The following TNS3 variants were observed in gnomAD, a reference collection of about 807,000 sequenced individuals.
TNS3 encodes the protein tensin-3.
A neutral mutation model predicts 140.9 loss-of-function variants in TNS3; 45 were observed. That is an observed-to-expected ratio of 0.32 (90% CI 0.25 to 0.41). The LOEUF is 0.41. Ranked by LOEUF, TNS3 falls within the 10% of genes least tolerant of loss-of-function variation. TNS3 has a pLI of 1.00. For missense variants in TNS3, 1,716 were observed against 1,906.7 expected (o/e 0.90, Z 1.86); for synonymous variants, 815 against 788.4 (o/e 1.03, Z -0.56).
chr7:47,501,643 C>G (rs550034513), intron 3 of TNS3, among the ~76,000 whole-genome samples: 1 of 152,254 alleles, frequency 6.6e-6, no homozygotes, highest in East Asian at 1.9e-4. Context: ...CCACAGCCTC[C>G]CTCCTTGTGC....
Position 47,368,736 on chromosome 7 carries a change from G to A in TNS3, c.1910C>T (p.Thr637Ile). Residue 637 changes from threonine (T) to isoleucine (I), a missense_variant, in exon 17 of 31, where the codon ACC (threonine) becomes ATC (isoleucine). By Grantham distance (89) the Thr-to-Ile change is moderately conservative (BLOSUM62 -1). Transcript: ENST00000311160. ...CCTCTGGACAGCCACCCTACTGCTG[G>A]TCCCTCGGGTGGGGGTGAGTGGCAC... ...PRVPLTPTRG[T>I]SSRVAVQRGV... 1.9e-6 allele frequency: 3 copies of A among 1,579,010 alleles called. No individual in the cohort carries two copies. Among genetic ancestry groups the A allele is most frequent in the Non-Finnish European group, 1.7e-6 (2 of 1,161,932 alleles).
At position 47,305,250 on chromosome 7, in the gene TNS3, C is replaced by T. The variant is rs550143807; in HGVS notation, c.2651-247G>A. ...AAAATAAAGCGACCTAATTCAGTCC[C>T]CCACAGTGTCCAGCCCATTACCACG... On this transcript the variant is annotated intron_variant, in intron 20 of 30. Transcript: ENST00000311160. 3.3e-5 allele frequency among the ~76,000 whole-genome samples: 5 copies of T among 152,348 alleles called. No homozygotes were observed. In the South Asian group the frequency reaches 1.0e-3, roughly 32 times the overall value.
chr7:47,326,391 C>T (rs897088912), intron 20 of TNS3, among the ~76,000 whole-genome samples: 2 of 152,178 alleles, frequency 1.3e-5, no homozygotes, highest in Non-Finnish European at 2.9e-5. Context: ...TGCCTCCCAC[C>T]AGCAGGGTCT....
intron 1 of TNS3, chr7:47,539,016 TC>T (rs1799704989): frequency 2.2e-6 from 1 of 456,466 alleles, no homozygotes; most frequent in African/African-American, 2.0e-5. Flanking sequence ...TATGCTGCTG[TC>T]ATGGTTTACC....
chr7:47,337,443 C>A lies in TNS3; in HGVS notation c.2650+7312G>T, dbSNP rs190688994. Among the ~76,000 whole-genome samples the A allele has an allele frequency of 1.3e-3, 194 of 152,294 alleles. 1 individual carries two copies. Among genetic ancestry groups the A allele is most frequent in the African/African-American group, 4.4e-3 (182 of 41,570 alleles). On this transcript the variant is annotated intron_variant, in intron 20 of 30. Coordinates refer to ENST00000311160, the MANE Select transcript of TNS3 (RefSeq NM_022748.12). ...TATGGAGATAGTGTTATACTAACTG[C>A]ATACTAATTAACAAGAAGCCAGAAC...
chr7:47,294,685 G>C (rs1462508591), intron 24 of TNS3, among the ~76,000 whole-genome samples: 1 of 152,188 alleles, frequency 6.6e-6, no homozygotes, highest in East Asian at 1.9e-4. Flanking sequence ...CCCACAGTAG[G>C]CTTCCAAAAG....
At chr7:47,328,738 C>T (rs1788168609) in intron 20 of TNS3, among the ~76,000 whole-genome samples, 1 of 152,222 alleles carries the variant, frequency 6.6e-6, no homozygotes, top group Admixed American at 6.5e-5. Context: ...TCAAGGCAGC[C>T]CAGGGGACCT....
chr7:47,540,481 G>A (rs1799753464), intron 1 of TNS3, among the ~76,000 whole-genome samples: 1 of 152,208 alleles, frequency 6.6e-6, no homozygotes, highest in Admixed American at 6.5e-5. Context: ...TGCCCGTTTT[G>A]TCACTGGAAA....
At chr7:47,502,220 G>A (rs999855224) in intron 3 of TNS3, among the ~76,000 whole-genome samples, 6 of 152,204 alleles carry the variant, frequency 3.9e-5, no homozygotes, top group Non-Finnish European at 7.4e-5. Flanking sequence ...ACAATGGGGA[G>A]AGGGGGCTGG....
intron 20 of TNS3, among the ~76,000 whole-genome samples, chr7:47,330,755 C>T (rs576495801): frequency 6.6e-6 from 1 of 152,168 alleles, no homozygotes; most frequent in Admixed American, 6.5e-5. Flanking sequence ...AGCTGGGGCG[C>T]CCAGAGAAGA....
chr7:47,542,947 C>T (rs114850685), intron 1 of TNS3, among the ~76,000 whole-genome samples: 3,101 of 145,076 alleles, frequency 0.021, 111 homozygotes, highest in African/African-American at 0.074. Flanking sequence ...AAAAAAGGCA[C>T]TTTGCCTCTG....
chr7:47,409,059 G>T (rs1254490356), intron 13 of TNS3, among the ~76,000 whole-genome samples: 1 of 152,044 alleles, frequency 6.6e-6, no homozygotes, highest in African/African-American at 2.4e-5. Context: ...AAAGACTACT[G>T]GATGAATGAC....
At chr7:47,328,328 A>C (rs1788143490) in intron 20 of TNS3, among the ~76,000 whole-genome samples, 1 of 152,106 alleles carries the variant, frequency 6.6e-6, no homozygotes, top group Non-Finnish European at 1.5e-5. Flanking sequence ...CGCCTTGCTC[A>C]CTGCTGCGGT....
rs61731308 is a variant in TNS3, at chr7:47,303,259, T to C, written c.3148A>G (p.Thr1050Ala). 0.043 allele frequency: 68,785 copies of C among 1,612,636 alleles called. 1,685 individuals are homozygous for C. The highest frequency in any genetic ancestry group is 0.052 in the Non-Finnish European group (60,829 of 1,179,768). Residue 1050 changes from threonine (T) to alanine (A), a missense_variant, in exon 22 of 31, where the codon ACC becomes GCC. This residue lies in a region of TNS3 where 1,163 missense variants were observed against 1,182.1 expected (regional missense o/e 0.98). Transcript: ENST00000311160. Reference sequence around the variant, plus strand: ...GTCGCTGTCAGCGGGATGCTGGGGGTCGGTGACGCTCCATGAGAATTGGCC... The same window carrying C: ...GTCGCTGTCAGCGGGATGCTGGGGGCCGGTGACGCTCCATGAGAATTGGCC... Reference protein sequence around the residue: ...LLANSHGASPTPSIPLTATGA... With the variant: ...LLANSHGASPAPSIPLTATGA...
intron 1 of TNS3, among the ~76,000 whole-genome samples, chr7:47,543,946 T>C (rs1799857792): frequency 6.6e-6 from 1 of 152,208 alleles, no homozygotes; most frequent in Non-Finnish European, 1.5e-5. Flanking sequence ...AGCATTTGTT[T>C]CCCTCTGCTC....
chr7:47,304,808 A>T, intron 21 of TNS3, 24 bp downstream of exon 21: 1 of 1,346,384 alleles, frequency 7.4e-7, no homozygotes, highest in South Asian at 2.4e-5. Flanking sequence ...AACTTGTGCC[A>T]AGTTTAAAGA....
intron 13 of TNS3, among the ~76,000 whole-genome samples, chr7:47,409,455 T>A (rs944897898): frequency 6.6e-6 from 1 of 152,046 alleles, no homozygotes; most frequent in African/African-American, 2.4e-5. Context: ...GGTCACCCTC[T>A]ATGACTGAGT....
chr7:47,316,929 G>A (rs926789943), intron 20 of TNS3, among the ~76,000 whole-genome samples: 14 of 152,084 alleles, frequency 9.2e-5, no homozygotes, highest in South Asian at 8.3e-4. Flanking sequence ...CCCCAACACT[G>A]GAAAAGCATT....
At chr7:47,322,539 A>AACAC (rs71003393) in intron 20 of TNS3, among the ~76,000 whole-genome samples, 54 of 151,068 alleles carry the variant, frequency 3.6e-4, no homozygotes, top group Admixed American at 7.3e-4. Flanking sequence ...CAAACAAACA[A>AACAC]ACACACACAC....
Sources: allele counts gnomAD v4.1 joint callset (sites outside exome capture counted in the v4.1 genomes callset), GRCh38; gene constraint gnomAD v4.1.1; regional missense constraint gnomAD v4.1.1; transcripts MANE v1.5; gene names NCBI Gene and HGNC (gene_info 2026-07-23, HGNC 2026-07-21).